UNC13C: variants seen among roughly 807,000 people sequenced by gnomAD.
The protein encoded by UNC13C is unc-13 homolog C.
A neutral mutation model predicts 245.4 loss-of-function variants in UNC13C; 174 were observed. That is an observed-to-expected ratio of 0.71 (90% CI 0.63 to 0.80). The LOEUF (loss-of-function observed/expected upper bound fraction) is 0.80. UNC13C is among the 30% of genes least tolerant of loss of function. The pLI is 0.00. For synonymous variants in UNC13C, 992 were observed against 895.1 expected (o/e 1.11, Z -1.93); for missense variants, 2,829 against 2,602.9 (o/e 1.09, Z -1.89).
At chr15:54,162,606 T>C (rs1325880952) in intron 4 of UNC13C, among the ~76,000 whole-genome samples, 4 of 152,190 alleles carry the variant, frequency 2.6e-5, no homozygotes, top group Non-Finnish European at 5.9e-5. Flanking sequence ...ATGTCCTCTA[T>C]CCATTGAGAC....
intron 30 of UNC13C, among the ~76,000 whole-genome samples, chr15:54,605,803 G>A (rs979414725): frequency 2.4e-4 from 37 of 152,178 alleles, no homozygotes; most frequent in African/African-American, 1.9e-4. Flanking sequence ...AATGCTTTGC[G>A]AGCAATATGC....
At chr15:54,212,263 T>C (rs772883224) in intron 4 of UNC13C, among the ~76,000 whole-genome samples, 1 of 152,084 alleles carries the variant, frequency 6.6e-6, no homozygotes, top group Non-Finnish European at 1.5e-5. Context: ...GGAGAGGTGT[T>C]ATGGACAAAC....
At chr15:54,430,909 T>C (rs774048135) in intron 19 of UNC13C, among the ~76,000 whole-genome samples, 3 of 151,818 alleles carry the variant, frequency 2.0e-5, no homozygotes, top group East Asian at 2.0e-4. Context: ...CTTGCCTCCT[T>C]AGTGATCCAA....
chr15:54,049,224 T>C (rs902516945), intron 2 of UNC13C: 2 of 506,746 alleles, frequency 3.9e-6, no homozygotes, highest in South Asian at 1.6e-5. Context: ...GTCTCATTGC[T>C]ATGGTATCAT....
the UNC13C span, among the ~76,000 whole-genome samples, chr15:53,943,308 G>C: frequency 6.6e-6 from 1 of 152,060 alleles, no homozygotes; most frequent in African/African-American, 2.4e-5. Flanking sequence ...ACATTCTCTT[G>C]TCACAATCAC....
At chr15:54,208,775 G>A (rs992442933) in intron 4 of UNC13C, among the ~76,000 whole-genome samples, 3 of 152,060 alleles carry the variant, frequency 2.0e-5, no homozygotes, top group East Asian at 1.9e-4. Context: ...AAAATCTTAT[G>A]TATCACATAC....
chr15:54,511,117 G>C (rs949408642), intron 23 of UNC13C, among the ~76,000 whole-genome samples: 3 of 152,108 alleles, frequency 2.0e-5, no homozygotes, highest in African/African-American at 7.2e-5. Context: ...GCTGGTGAGA[G>C]TGAAAAGCAA....
chr15:54,360,277 C>A (rs2039201188), intron 17 of UNC13C, among the ~76,000 whole-genome samples: 1 of 151,994 alleles, frequency 6.6e-6, no homozygotes, highest in Non-Finnish European at 1.5e-5. Flanking sequence ...TTTTATTCAG[C>A]AGCTGTTGGA....
chr15:53,848,127 T>C, the UNC13C span, among the ~76,000 whole-genome samples: 1 of 152,040 alleles, frequency 6.6e-6, no homozygotes, highest in East Asian at 1.9e-4. Flanking sequence ...GTCTAACTAG[T>C]GGTTTATAAT....
intron 19 of UNC13C, among the ~76,000 whole-genome samples, chr15:54,470,291 A>T (rs2141041557): frequency 6.6e-6 from 1 of 151,508 alleles, no homozygotes; most frequent in Non-Finnish European, 1.5e-5. Flanking sequence ...CTACCTCTTC[A>T]ATATTTGGAA....
chr15:54,237,716 A>AACTAGATATTGCTCATAATC (rs2035741080), intron 7 of UNC13C, 26 bp downstream of exon 7: 1 of 1,533,068 alleles, frequency 6.5e-7, no homozygotes, highest in Non-Finnish European at 9.0e-7. Context: ...TGCTCATAAT[A>AACTAGATATTGCTCATAATC]TCTAACTAGA....
At chr15:54,060,465 A>G (rs1897763597) in intron 2 of UNC13C, among the ~76,000 whole-genome samples, 1 of 152,164 alleles carries the variant, frequency 6.6e-6, no homozygotes, top group Non-Finnish European at 1.5e-5. Flanking sequence ...AAGTCAGGAA[A>G]CAACAGGTGC....
the UNC13C span, among the ~76,000 whole-genome samples, chr15:53,961,361 G>A: frequency 3.3e-5 from 5 of 152,366 alleles, no homozygotes; most frequent in East Asian, 9.6e-4. Context: ...TGTTTGCAAA[G>A]AGGGCTACAG....
At chr15:54,219,988 A>G (rs2035171509) in intron 4 of UNC13C, among the ~76,000 whole-genome samples, 1 of 144,534 alleles carries the variant, frequency 6.9e-6, no homozygotes, top group Non-Finnish European at 1.5e-5. Context: ...ACACTTTTAC[A>G]CCGTTGGTGG....
intron 30 of UNC13C, among the ~76,000 whole-genome samples, chr15:54,594,209 C>A (rs146142325): frequency 1.3e-5 from 2 of 152,110 alleles, no homozygotes; most frequent in African/African-American, 4.8e-5. Context: ...TGGATACCAG[C>A]GCCTGTTCCA....
At chr15:54,193,240 T>C (rs2034245822) in intron 4 of UNC13C, among the ~76,000 whole-genome samples, 1 of 152,160 alleles carries the variant, frequency 6.6e-6, no homozygotes, top group African/African-American at 2.4e-5. Context: ...TCGTTACATA[T>C]CTCCTTATGA....
the UNC13C span, among the ~76,000 whole-genome samples, chr15:53,941,564 C>T: frequency 7.9e-5 from 12 of 151,782 alleles, no homozygotes; most frequent in African/African-American, 1.2e-4. Context: ...GTCTAATATC[C>T]GAGGTCTACA....
At chr15:54,123,463 C>T (rs777119367) in intron 2 of UNC13C, among the ~76,000 whole-genome samples, 2 of 151,266 alleles carry the variant, frequency 1.3e-5, no homozygotes, top group Non-Finnish European at 3.0e-5. Context: ...CTTAGTATTT[C>T]ATTTTCTTAA....
the UNC13C span, among the ~76,000 whole-genome samples, chr15:53,964,799 CAA>C: frequency 2.6e-4 from 39 of 152,122 alleles, no homozygotes; most frequent in Non-Finnish European, 2.8e-4. Flanking sequence ...TGAAAACACA[CAA>C]GACAATTTAG....
Sources: allele counts gnomAD v4.1 joint callset (sites outside exome capture counted in the v4.1 genomes callset), GRCh38; gene constraint gnomAD v4.1.1; transcripts MANE v1.5; gene names NCBI Gene and HGNC (gene_info 2026-07-23, HGNC 2026-07-21).